SLC4A10: variants seen among roughly 807,000 people sequenced by gnomAD.
SLC4A10 encodes the protein sodium-driven chloride bicarbonate exchanger.
SLC4A10 carries 42 observed loss-of-function variants against 137.7 expected under a neutral mutation model. The observed-to-expected ratio is 0.30, with a 90% CI of 0.24 to 0.39. SLC4A10 has a LOEUF of 0.39. SLC4A10 is among the 10% of genes least tolerant of loss of function. The pLI, the probability that SLC4A10 is intolerant of heterozygous loss-of-function variation, is 1.00. For synonymous variants in SLC4A10, 474 were observed against 464.1 expected (o/e 1.02, Z -0.27); for missense variants, 925 against 1,355.0 (o/e 0.68, Z 4.98).
intron 10 of SLC4A10, among the ~76,000 whole-genome samples, chr2:161,892,194 A>G (rs1056824742): frequency 6.6e-6 from 1 of 152,092 alleles, no homozygotes; most frequent in Non-Finnish European, 1.5e-5. Context: ...TACCTAAAAC[A>G]CGGTATAGAA....
intron 4 of SLC4A10, among the ~76,000 whole-genome samples, chr2:161,842,596 T>A (rs958809529): frequency 3.3e-5 from 5 of 152,124 alleles, no homozygotes; most frequent in African/African-American, 1.2e-4. Flanking sequence ...TTTAATAAAA[T>A]AATTTACATA....
intron 1 of SLC4A10, among the ~76,000 whole-genome samples, chr2:161,768,485 C>G (rs2051172911): frequency 6.6e-6 from 1 of 151,978 alleles, no homozygotes; most frequent in African/African-American, 2.4e-5. Context: ...TAGCAAGATC[C>G]TTTCTCTAGT....
At chr2:161,690,557 T>C (rs1029899020) in intron 1 of SLC4A10, among the ~76,000 whole-genome samples, 1 of 152,154 alleles carries the variant, frequency 6.6e-6, no homozygotes, top group African/African-American at 2.4e-5. Context: ...TGCCCATCAA[T>C]AATAGACTGG....
intron 1 of SLC4A10, among the ~76,000 whole-genome samples, chr2:161,745,044 C>T (rs1365827346): frequency 6.6e-6 from 1 of 152,118 alleles, no homozygotes; most frequent in Non-Finnish European, 1.5e-5. Context: ...AAAAATCCCC[C>T]AACTTTGTCT....
chr2:161,632,275 G>A (rs890852203), intron 1 of SLC4A10, among the ~76,000 whole-genome samples: 4 of 151,572 alleles, frequency 2.6e-5, no homozygotes, highest in African/African-American at 7.3e-5. Context: ...CTTAGGAAGC[G>A]TATTTCATTA....
intron 9 of SLC4A10, 23 bp from the exon 10 acceptor site, chr2:161,882,334 A>T (rs752197954): frequency 7.1e-7 from 1 of 1,417,076 alleles, no homozygotes; most frequent in East Asian, 2.5e-5. Context: ...ACCTTAAAAC[A>T]TTTTTTTTCT....
chr2:161,771,375 A>G (rs1252142648), intron 2 of SLC4A10, among the ~76,000 whole-genome samples: 2 of 151,896 alleles, frequency 1.3e-5, no homozygotes, highest in Non-Finnish European at 2.9e-5. Flanking sequence ...AGATCAGCAT[A>G]TCAAGTGCTG....
At position 161,984,810 on chromosome 2, in the gene SLC4A10, A is replaced by G. The variant is rs1185015763; in HGVS notation, c.*1658A>G. Reference sequence around the variant, plus strand: ...CAAATGTGTTGCCTTTGTGTATTTTATAATACAGATACTACATTGTAAACA... The same window carrying G: ...CAAATGTGTTGCCTTTGTGTATTTTGTAATACAGATACTACATTGTAAACA... On this transcript the variant is annotated 3_prime_UTR_variant, in exon 27 of 27. Transcript: ENST00000446997. 2 of 152,112 alleles carry G rather than the reference A, an allele frequency of 1.3e-5. No homozygotes were observed. The highest frequency in any genetic ancestry group is 2.4e-5 in the African/African-American group (1 of 41,448). 9.4% of individuals were successfully genotyped at this position (152,112 alleles called of 1,614,324 possible). A position where few individuals can be genotyped will look rare whatever the true frequency, so the allele number is the denominator to read the frequency against.
At chr2:161,836,533 AAAGAAAGAAAGAAAGAAAG>A (rs2058790442) in intron 3 of SLC4A10, among the ~76,000 whole-genome samples, 1 of 7,336 alleles carries the variant, frequency 1.4e-4, no homozygotes, top group Non-Finnish European at 8.2e-4. Context: ...AGAGAGAGAG[AAAGAAAGAAAGAAAGAAAG>A]AAAGAAAGAA....
rs1694084410 is a variant in SLC4A10, at chr2:161,947,763, A to G, written c.2265+36A>G. 10 of 1,590,930 alleles carry G rather than the reference A, an allele frequency of 6.3e-6. No homozygotes were observed. The Admixed American group carries it at 1.8e-4, about 28-fold the overall frequency. ...TATTTCTTGATCTAAATGTAAAATA[A>G]CATAGGACAAAAGAAAGAGTAATTG... is the stretch of plus-strand genomic sequence containing the variant. On this transcript the variant is annotated intron_variant, in intron 17 of 26. Coordinates refer to ENST00000446997, the MANE Select transcript of SLC4A10 (RefSeq NM_001178015.2).
At chr2:161,897,098 G>A (rs2063584925) in intron 11 of SLC4A10, among the ~76,000 whole-genome samples, 1 of 151,902 alleles carries the variant, frequency 6.6e-6, no homozygotes, top group African/African-American at 2.4e-5. Flanking sequence ...TCTTATATTT[G>A]TATTGCTTTT....
chr2:161,887,503 T>C (rs983219272), intron 10 of SLC4A10, among the ~76,000 whole-genome samples: 2 of 152,216 alleles, frequency 1.3e-5, no homozygotes, highest in African/African-American at 4.8e-5. Context: ...ATTGCCGTTG[T>C]CACTGGCATG....
intron 1 of SLC4A10, among the ~76,000 whole-genome samples, chr2:161,657,796 A>G (rs2037753089): frequency 6.6e-6 from 1 of 152,170 alleles, no homozygotes; most frequent in Non-Finnish European, 1.5e-5. Flanking sequence ...TGCAATTAAA[A>G]TAACAATCTA....
chr2:161,818,188 T>C (rs920772786), intron 3 of SLC4A10, among the ~76,000 whole-genome samples: 3 of 152,198 alleles, frequency 2.0e-5, no homozygotes, highest in African/African-American at 7.2e-5. Context: ...CTTGACGAGG[T>C]CCTTCGCATC....
At chr2:161,817,364 T>C (rs2057189525) in intron 3 of SLC4A10, among the ~76,000 whole-genome samples, 1 of 152,232 alleles carries the variant, frequency 6.6e-6, no homozygotes, top group Admixed American at 6.5e-5. Flanking sequence ...AAGTTCATTG[T>C]AGATTCTGGC....
chr2:161,825,453 G>T (rs2057951289), intron 3 of SLC4A10, among the ~76,000 whole-genome samples: 1 of 152,132 alleles, frequency 6.6e-6, no homozygotes, highest in Non-Finnish European at 1.5e-5. Context: ...TTTCTCACCT[G>T]CACTCTTTTC....
At chr2:161,658,008 G>A (rs62188984) in intron 1 of SLC4A10, among the ~76,000 whole-genome samples, 11,486 of 152,090 alleles carry the variant, frequency 0.076, 553 homozygotes, top group East Asian at 0.14. Flanking sequence ...TAATAGCAGG[G>A]CATTTTTCTT....
At chr2:161,844,305 T>C (rs1397649071) in intron 4 of SLC4A10, among the ~76,000 whole-genome samples, 1 of 152,178 alleles carries the variant, frequency 6.6e-6, no homozygotes, top group East Asian at 1.9e-4. Flanking sequence ...TTAAGTCATC[T>C]GGATTTTTTA....
chr2:161,751,534 C>A (rs2048979676), intron 1 of SLC4A10, among the ~76,000 whole-genome samples: 1 of 151,536 alleles, frequency 6.6e-6, no homozygotes. Flanking sequence ...GCCTTTTATT[C>A]TCCCCTTGAT....
Sources: allele counts gnomAD v4.1 joint callset (sites outside exome capture counted in the v4.1 genomes callset), GRCh38; gene constraint gnomAD v4.1.1; transcripts MANE v1.5; gene names NCBI Gene and HGNC (gene_info 2026-07-23, HGNC 2026-07-21).